The following AQP2 variants were observed in gnomAD, a reference collection of about 807,000 sequenced individuals.
AQP2 encodes aquaporin-2.
A neutral mutation model predicts 21.6 loss-of-function variants in AQP2; 20 were observed. The observed-to-expected ratio is 0.92, with a 90% CI of 0.65 to 1.34. AQP2 has a LOEUF of 1.34. Among genes scored for constraint, AQP2 ranks in the 40% most tolerant of loss-of-function variants. AQP2 has a pLI of 0.00. For missense variants in AQP2, 325 were observed against 363.4 expected (o/e 0.89, Z 0.86); for synonymous variants, 168 against 166.9 (o/e 1.01, Z -0.05).
intron 1 of AQP2, among the ~76,000 whole-genome samples, chr12:49,952,309 C>T (rs900288406): frequency 1.3e-5 from 2 of 151,982 alleles, no homozygotes; most frequent in Non-Finnish European, 2.9e-5. Flanking sequence ...GGACTCGCCA[C>T]GTTGGTAAGG....
At position 49,951,465 on chromosome 12, in the gene AQP2, C is replaced by T. The variant is rs745477559; in HGVS notation, c.360+275C>T. 53 of 520,660 alleles carry T rather than the reference C, an allele frequency of 1.0e-4. 2 individuals are homozygous for T. The highest frequency in any genetic ancestry group is 8.6e-4 in the South Asian group (26 of 30,116). The allele number at this position is 520,660 out of a possible 1,614,324, so 32.3% of individuals were successfully genotyped here. A position where few individuals can be genotyped will look rare whatever the true frequency, so the allele number is the denominator to read the frequency against. On this transcript the variant is annotated intron_variant, in intron 1 of 3. Transcript: ENST00000199280. Reference sequence around the variant, plus strand: ...TCATCCAGGTTTCTGTTGGACTCAACGCCTACATTACAGTGAAGACAGGGC... The same window carrying T: ...TCATCCAGGTTTCTGTTGGACTCAATGCCTACATTACAGTGAAGACAGGGC...
chr12:49,954,582 C>T (rs752672156), intron 2 of AQP2, 48 bp from the exon 3 acceptor site: 2 of 1,600,070 alleles, frequency 1.2e-6, no homozygotes, highest in Non-Finnish European at 1.7e-6. Context: ...GGACTTCCTG[C>T]CCTGTCCTCA....
At chr12:49,955,251 C>A in intron 3 of AQP2, 148 bp from the exon 4 acceptor site, 2 of 873,644 alleles carry the variant, frequency 2.3e-6, no homozygotes, top group South Asian at 1.8e-5. Flanking sequence ...CAGCAGCTGG[C>A]GTTGTCGTTG....
chr12:49,953,156 A>G (rs1189920165), intron 1 of AQP2, among the ~76,000 whole-genome samples: 1 of 152,140 alleles, frequency 6.6e-6, no homozygotes. Context: ...AGCTCTTTTC[A>G]CTGTCCTCTA....
intron 1 of AQP2, among the ~76,000 whole-genome samples, chr12:49,953,356 G>A (rs1157564021): frequency 6.6e-6 from 1 of 152,214 alleles, no homozygotes; most frequent in Non-Finnish European, 1.5e-5. Flanking sequence ...AGGGTACAGG[G>A]TGACAAAACC....
intron 3 of AQP2, 146 bp from the exon 4 acceptor site, chr12:49,955,253 T>C (rs1947357984): frequency 2.2e-6 from 2 of 895,522 alleles, no homozygotes. Flanking sequence ...GCAGCTGGCG[T>C]TGTCGTTGTA....
chr12:49,951,133 C>T lies in AQP2; in HGVS notation c.303C>T (p.Ala101=), dbSNP rs762001833. The change falls in exon 1 of 4, where the codon GCC becomes GCT. Residue 101 remains alanine (A), a synonymous_variant. Coordinates refer to ENST00000199280, the MANE Select transcript of AQP2 (RefSeq NM_000486.6). ...AAQLLGAVAG[A]ALLHEITPAD... ...AGCTGCTGGGGGCTGTGGCCGGAGC[C>T]GCTCTGCTCCATGAGATCACGCCAG... 3.7e-5 allele frequency: 60 copies of T among 1,604,456 alleles called. No homozygotes were observed. The highest frequency in any genetic ancestry group is 4.9e-5 in the Non-Finnish European group (57 of 1,173,418).
Position 49,955,770 on chromosome 12 carries a change from G to T in AQP2, c.*162G>T, listed in dbSNP as rs1353986775. ...CAGGCCAGTGCTGTGAGCAGGCGGGGAGGAGGCTGCCGGAGGGAGCCCTGA... is the reference window on the plus strand; with the variant it reads ...CAGGCCAGTGCTGTGAGCAGGCGGGTAGGAGGCTGCCGGAGGGAGCCCTGA... On this transcript the variant is annotated 3_prime_UTR_variant, in exon 4 of 4. Transcript: ENST00000199280. The T allele has an allele frequency of 9.9e-7, 1 of 1,007,456 alleles. No homozygotes were observed. Among genetic ancestry groups the T allele is most frequent in the East Asian group, 2.6e-5 (1 of 38,504 alleles). 62.4% of individuals were successfully genotyped at this position (1,007,456 alleles called of 1,614,324 possible). A position where few individuals can be genotyped will look rare whatever the true frequency, so the allele number is the denominator to read the frequency against.
In AQP2 at chr12:49,955,807, C is replaced by A; in HGVS notation, c.*199C>A. The A allele has an allele frequency of 1.3e-6, 1 of 769,616 alleles. No individual in the cohort carries two copies. Among genetic ancestry groups the A allele is most frequent in the Admixed American group, 2.0e-5 (1 of 49,348 alleles). 47.7% of individuals were successfully genotyped at this position (769,616 alleles called of 1,614,324 possible). A position where few individuals can be genotyped will look rare whatever the true frequency, so the allele number is the denominator to read the frequency against. On this transcript the variant is annotated 3_prime_UTR_variant, in exon 4 of 4. Coordinates refer to ENST00000199280, the MANE Select transcript of AQP2 (RefSeq NM_000486.6). ...GGAGGGAGCCCTGAGCCTGGCAGGT[C>A]CCCTGCCCTGAGGCTGTGAGCAGCT...
rs778267384 is a variant in AQP2, at chr12:49,950,909, G to C, written c.79G>C (p.Gly27Arg). ...FLATLLFVFF[G>R]LGSALNWPQA... ...GGCCACACTCCTCTTCGTCTTCTTT[G>C]GCCTCGGCTCTGCCCTCAACTGGCC... The change falls in exon 1 of 4, where the codon GGC becomes CGC. Residue 27 changes from glycine to arginine, a missense_variant. Gly to Arg is a moderately radical substitution (Grantham distance 125). Transcript: ENST00000199280. 6.2e-7 allele frequency: 1 copy of C among 1,614,162 alleles called. No homozygotes were observed. Among genetic ancestry groups the C allele is most frequent in the Non-Finnish European group, 8.5e-7 (1 of 1,179,970 alleles).
In AQP2 at chr12:49,954,275, G is replaced by T. The variant is rs1483226930; in HGVS notation, c.481G>T (p.Ala161Ser). The change falls in exon 2 of 4, where the codon GCT becomes TCT. Residue 161 changes from alanine to serine, a missense_variant. Transcript: ENST00000199280. ...ERRGENPGTP[A>S]LSIGFSVALG... Reference sequence around the variant, plus strand: ...CCGCGGAGAGAACCCGGGCACCCCTGCTCTCTCCATAGGCTTCTCTGTGGC... The same window carrying T: ...CCGCGGAGAGAACCCGGGCACCCCTTCTCTCTCCATAGGCTTCTCTGTGGC... 1.2e-6 allele frequency: 2 copies of T among 1,608,908 alleles called. No homozygotes were observed. Among genetic ancestry groups the T allele is most frequent in the Admixed American group, 1.7e-5 (1 of 59,994 alleles).
intron 1 of AQP2, among the ~76,000 whole-genome samples, chr12:49,953,595 C>T (rs923700840): frequency 2.0e-5 from 3 of 152,140 alleles, no homozygotes; most frequent in African/African-American, 7.2e-5. Flanking sequence ...GGGGAATAGA[C>T]AAGGGTTAGG....
Position 49,954,211 on chromosome 12 carries a change from G to A in AQP2, c.417G>A (p.Leu139=). Residue 139 remains leucine, a synonymous_variant, in exon 2 of 4, where the codon CTG becomes CTA. Coordinates refer to ENST00000199280, the MANE Select transcript of AQP2 (RefSeq NM_000486.6). ...TGACTGTGGAGCTCTTCCTGACACTGCAGCTGGTGCTCTGCATCTTCGCCT... is the reference window on the plus strand; with the variant it reads ...TGACTGTGGAGCTCTTCCTGACACTACAGCTGGTGCTCTGCATCTTCGCCT... The part of the protein sequence containing the change: ...QAVTVELFLT[L]QLVLCIFAST... 6.2e-7 allele frequency: 1 copy of A among 1,603,378 alleles called. No homozygotes were observed. The highest frequency in any genetic ancestry group is 8.5e-7 in the Non-Finnish European group (1 of 1,179,966).
At chr12:49,954,539 T>C in intron 2 of AQP2, 91 bp from the exon 3 acceptor site, 1 of 1,486,112 alleles carries the variant, frequency 6.7e-7, no homozygotes, top group Non-Finnish European at 9.4e-7. Context: ...GGGTTCCCTT[T>C]AGGCTGAGGT....
chr12:49,955,854 T>C lies in AQP2; in HGVS notation c.*246T>C. ...AGCTAGTGGTGGCTTCTCCAGCCTT[T>C]TTCAGGGAACTGGGAACTTAGGGGA... On this transcript the variant is annotated 3_prime_UTR_variant, in exon 4 of 4. Coordinates refer to ENST00000199280, the MANE Select transcript of AQP2 (RefSeq NM_000486.6). 1 of 662,134 alleles carries C rather than the reference T, an allele frequency of 1.5e-6. No individual in the cohort carries two copies. Among genetic ancestry groups the C allele is most frequent in the Non-Finnish European group, 2.7e-6 (1 of 369,706 alleles). The allele number at this position is 662,134 out of a possible 1,614,324, so 41.0% of individuals were successfully genotyped here.
chr12:49,953,987 C>A, intron 1 of AQP2, 168 bp from the exon 2 acceptor site: 3 of 994,298 alleles, frequency 3.0e-6, no homozygotes, highest in Non-Finnish European at 4.6e-6. Flanking sequence ...TGGGCCAGGG[C>A]CCAGGAAGAA....
rs1315108535 is a variant in AQP2 at position 49,958,636 on chromosome 12, A to G, written c.*3028A>G. The G allele has an allele frequency of 6.6e-6, 1 of 152,294 alleles. No individual in the cohort carries two copies. Among genetic ancestry groups the G allele is most frequent in the African/African-American group, 2.4e-5 (1 of 41,482 alleles). The allele number at this position is 152,294 out of a possible 1,614,324, so 9.4% of individuals were successfully genotyped here. A position where few individuals can be genotyped will look rare whatever the true frequency, so the allele number is the denominator to read the frequency against. On this transcript the variant is annotated 3_prime_UTR_variant, in exon 4 of 4. Coordinates refer to ENST00000199280, the MANE Select transcript of AQP2 (RefSeq NM_000486.6). ...ACCTCCAGGTCCCTAAGCTGGGGAC[A>G]GAGAAGGTTCTGAGCTGTCCCATAC...
Position 49,955,618 on chromosome 12 carries a change from G to A in AQP2, c.*10G>A. On this transcript the variant is annotated 3_prime_UTR_variant, in exon 4 of 4. Coordinates refer to ENST00000199280, the MANE Select transcript of AQP2 (RefSeq NM_000486.6). Reference sequence around the variant, plus strand: ...GGGTACCAAGGCCTGAGGGCCGCCAGCGGCCTCTACGGCCCCGACGGACGC... The same window carrying A: ...GGGTACCAAGGCCTGAGGGCCGCCAACGGCCTCTACGGCCCCGACGGACGC... The A allele has an allele frequency of 2.6e-6, 4 of 1,548,198 alleles. No homozygotes were observed. The highest frequency in any genetic ancestry group is 3.5e-6 in the Non-Finnish European group (4 of 1,153,038).
At chr12:49,954,117 G>T in intron 1 of AQP2, 38 bp from the exon 2 acceptor site, 1 of 1,596,984 alleles carries the variant, frequency 6.3e-7, no homozygotes. Flanking sequence ...AGGAAAGTGG[G>T]CTCAGTGTTC....
Sources: allele counts gnomAD v4.1 joint callset (sites outside exome capture counted in the v4.1 genomes callset), GRCh38; gene constraint gnomAD v4.1.1; transcripts MANE v1.5; gene names NCBI Gene and HGNC (gene_info 2026-07-23, HGNC 2026-07-21).